IL19: variants seen among roughly 807,000 people sequenced by gnomAD.
IL19 encodes interleukin-19.
Under a neutral mutation model 19.5 loss-of-function variants are expected in IL19, and 15 were observed. That is an observed-to-expected ratio of 0.77 (90% confidence interval 0.52 to 1.19). The LOEUF is 1.19. Among genes scored for constraint, IL19 ranks in the 50% most tolerant of loss-of-function variants. The pLI is 0.00. For synonymous variants in IL19, 78 were observed against 78.3 expected (o/e 1.00, Z 0.02); for missense variants, 199 against 213.1 (o/e 0.93, Z 0.41).
intron 2 of IL19, among the ~76,000 whole-genome samples, chr1:206,810,826 C>T (rs1675986344): frequency 6.6e-6 from 1 of 152,176 alleles, no homozygotes; most frequent in Admixed American, 6.5e-5. Flanking sequence ...TCATGAATGG[C>T]TTGGTGCCCT....
chr1:206,828,557 A>G (rs1167815768), intron 2 of IL19, among the ~76,000 whole-genome samples: 1 of 152,194 alleles, frequency 6.6e-6, no homozygotes, highest in Non-Finnish European at 1.5e-5. Flanking sequence ...CATCTTGAGT[A>G]TGTGACCATG....
chr1:206,841,144 T>G, intron 6 of IL19, 66 bp downstream of exon 6: 1 of 1,218,198 alleles, frequency 8.2e-7, no homozygotes, highest in South Asian at 1.2e-5. Flanking sequence ...TGCCAGGCCT[T>G]CAGCCTCCTC....
chr1:206,808,855 G>A (rs1675926724), intron 2 of IL19, among the ~76,000 whole-genome samples: 1 of 152,202 alleles, frequency 6.6e-6, no homozygotes, highest in Non-Finnish European at 1.5e-5. Flanking sequence ...GTGAGAGACA[G>A]ATGTAGTGAA....
intron 6 of IL19, among the ~76,000 whole-genome samples, chr1:206,841,780 T>C (rs1435539275): frequency 1.3e-5 from 2 of 152,198 alleles, no homozygotes; most frequent in African/African-American, 2.4e-5. Flanking sequence ...AGCCAGGTAT[T>C]GCTCTAGGCA....
At chr1:206,834,021 T>A in intron 2 of IL19, 1 of 985,476 alleles carries the variant, frequency 1.0e-6, no homozygotes, top group Non-Finnish European at 1.2e-6. Flanking sequence ...GCCTGCAGGG[T>A]ACACTTGGTA....
At chr1:206,781,414 C>CAAAAAAAAAAAAAAAAAAAAAAAA (rs57060549) in intron 1 of IL19, among the ~76,000 whole-genome samples, 6 of 43,018 alleles carry the variant, frequency 1.4e-4, no homozygotes, top group South Asian at 1.3e-3. Flanking sequence ...GACTCTGTCT[C>CAAAAAAAAAAAAAAAAAAAAAAAA]AAAAAAAAAA....
At chr1:206,771,255 A>G in intron 1 of IL19, 177 bp downstream of exon 1, 1 of 1,251,518 alleles carries the variant, frequency 8.0e-7, no homozygotes, top group Non-Finnish European at 1.2e-6. Flanking sequence ...TCTCCTTTTC[A>G]AAGCGAAGGA....
intron 2 of IL19, among the ~76,000 whole-genome samples, chr1:206,802,222 C>T (rs1210109556): frequency 1.3e-5 from 2 of 152,154 alleles, no homozygotes; most frequent in African/African-American, 4.8e-5. Flanking sequence ...GGGATTAGAC[C>T]ATTCCATTAG....
At chr1:206,790,961 C>A (rs1210641140) in intron 1 of IL19, among the ~76,000 whole-genome samples, 1 of 152,158 alleles carries the variant, frequency 6.6e-6, no homozygotes, top group Non-Finnish European at 1.5e-5. Flanking sequence ...TATCTTTCTT[C>A]ATTCTTTTTT....
At chr1:206,808,905 GCCTGGGTGGGACAT>G (rs1675928123) in intron 2 of IL19, among the ~76,000 whole-genome samples, 1 of 152,168 alleles carries the variant, frequency 6.6e-6, no homozygotes, top group African/African-American at 2.4e-5. Flanking sequence ...GGAAAGGACA[GCCTGGGTGGGACAT>G]CATGAGTGAA....
chr1:206,837,203 C>T (rs893314506), intron 4 of IL19, among the ~76,000 whole-genome samples, 180 bp downstream of exon 4: 1 of 152,030 alleles, frequency 6.6e-6, no homozygotes. Context: ...GGATATGTAA[C>T]CCCTGGGAGG....
At chr1:206,837,313 G>A (rs565646709) in intron 4 of IL19, among the ~76,000 whole-genome samples, 2 of 152,276 alleles carry the variant, frequency 1.3e-5, no homozygotes, top group South Asian at 4.1e-4. Flanking sequence ...AAGGTCCCAT[G>A]GAGGTAGCTA....
intron 1 of IL19, among the ~76,000 whole-genome samples, chr1:206,793,800 A>T (rs1477748567): frequency 6.6e-6 from 1 of 152,230 alleles, no homozygotes; most frequent in Non-Finnish European, 1.5e-5. Flanking sequence ...TTGTTATGAT[A>T]ACACCTCGGT....
chr1:206,823,984 T>C (rs1282328939), intron 2 of IL19, among the ~76,000 whole-genome samples: 1 of 152,230 alleles, frequency 6.6e-6, no homozygotes, highest in African/African-American at 2.4e-5. Flanking sequence ...AGGATCGCCG[T>C]GTCTTCAGAG....
chr1:206,786,950 T>G (rs906227519), intron 1 of IL19, among the ~76,000 whole-genome samples: 4 of 152,158 alleles, frequency 2.6e-5, no homozygotes, highest in Admixed American at 2.6e-4. Flanking sequence ...CCAGGTTCAC[T>G]TTTCAAAGCA....
intron 1 of IL19, among the ~76,000 whole-genome samples, chr1:206,776,427 G>GGTGTGT (rs2234655): frequency 8.3e-4 from 123 of 148,442 alleles, no homozygotes; most frequent in African/African-American, 1.3e-3. Flanking sequence ...GAACTGCTGG[G>GGTGTGT]GTGTGTGTGT....
intron 1 of IL19, among the ~76,000 whole-genome samples, chr1:206,775,298 C>T (rs189353194): frequency 1.6e-4 from 24 of 152,152 alleles, no homozygotes; most frequent in African/African-American, 5.5e-4. Flanking sequence ...ATGATCCGCC[C>T]GCCTTGGCCT....
chr1:206,821,108 A>G (rs1214043283), intron 2 of IL19, among the ~76,000 whole-genome samples: 2 of 152,158 alleles, frequency 1.3e-5, no homozygotes, highest in African/African-American at 4.8e-5. Context: ...TTCCCATGAG[A>G]TCCTCAGCTC....
At chr1:206,806,579 C>A (rs1294008716) in intron 2 of IL19, among the ~76,000 whole-genome samples, 1 of 152,118 alleles carries the variant, frequency 6.6e-6, no homozygotes, top group East Asian at 1.9e-4. Flanking sequence ...TCACTCATAA[C>A]GTATGCACTC....
Sources: allele counts gnomAD v4.1 joint callset (sites outside exome capture counted in the v4.1 genomes callset), GRCh38; gene constraint gnomAD v4.1.1; transcripts MANE v1.5; gene names NCBI Gene and HGNC (gene_info 2026-07-23, HGNC 2026-07-21).